The following PCDHA4 variants were observed in gnomAD, a reference collection of about 807,000 sequenced individuals.
PCDHA4 encodes the protein protocadherin alpha-4.
A neutral mutation model predicts 61.4 loss-of-function variants in PCDHA4; 49 were observed. The ratio of observed to expected loss-of-function variants is 0.80; its 90% CI spans 0.63 to 1.01. PCDHA4 has a LOEUF of 1.01. Among genes scored for constraint, PCDHA4 ranks in the 50% least tolerant of loss-of-function variants. The pLI is 0.00. For missense variants in PCDHA4, 1,254 were observed against 1,235.8 expected, an observed-to-expected ratio of 1.01 and a Z score of -0.22; for synonymous variants, 590 against 550.3, an observed-to-expected ratio of 1.07 and a Z score of -1.01.
intron 3 of PCDHA4, among the ~76,000 whole-genome samples, chr5:140,994,883 A>G (rs1197020328): frequency 2.6e-5 from 4 of 152,222 alleles, no homozygotes; most frequent in Non-Finnish European, 5.9e-5. Context: ...AAGAGATGTT[A>G]GGAAATGAGA....
At chr5:140,986,583 T>C (rs1265983211) in intron 3 of PCDHA4, among the ~76,000 whole-genome samples, 1 of 152,170 alleles carries the variant, frequency 6.6e-6, no homozygotes, top group African/African-American at 2.4e-5. Flanking sequence ...TTTTTCCAGC[T>C]CCTCTTTCTA....
chr5:140,825,394 A>AAT (rs2150139298), intron 1 of PCDHA4: 7,825 of 145,962 alleles, frequency 0.054, 680 homozygotes, highest in African/African-American at 0.19. Flanking sequence ...ATATATATCT[A>AAT]ATATATTATA....
At chr5:140,996,123 G>A (rs1554255007) in intron 3 of PCDHA4, among the ~76,000 whole-genome samples, 2 of 152,238 alleles carry the variant, frequency 1.3e-5, no homozygotes, top group African/African-American at 2.4e-5. Flanking sequence ...GCAGGGTGGT[G>A]TAGAGGGTTC....
chr5:140,992,017 C>CTGTGTGTG (rs10602499), intron 3 of PCDHA4, among the ~76,000 whole-genome samples: 149 of 145,626 alleles, frequency 1.0e-3, no homozygotes, highest in African/African-American at 2.4e-3. Flanking sequence ...AGAGGTGGCT[C>CTGTGTGTG]TGTGTGTGTG....
intron 1 of PCDHA4, chr5:140,856,830 T>C (rs1554149191): frequency 2.5e-6 from 4 of 1,592,726 alleles, no homozygotes; most frequent in Non-Finnish European, 3.4e-6. Context: ...ACATTAGTAA[T>C]ACGGCTCAAC....
At chr5:140,834,416 CCGA>C in intron 1 of PCDHA4, 1 of 1,611,158 alleles carries the variant, frequency 6.2e-7, no homozygotes. Context: ...ACCCAGGGGG[CCGA>C]CATCTACTGC....
intron 1 of PCDHA4, chr5:140,830,025 A>G (rs1770760911): frequency 6.2e-7 from 1 of 1,613,706 alleles, no homozygotes. Flanking sequence ...TCTCCGCGCC[A>G]CCGGCTGCTG....
chr5:140,964,079 G>A (rs1209152794), intron 1 of PCDHA4, among the ~76,000 whole-genome samples: 3 of 152,178 alleles, frequency 2.0e-5, no homozygotes, highest in African/African-American at 7.2e-5. Flanking sequence ...GTTAATATTT[G>A]TAGAAAGGGT....
At chr5:140,842,362 C>T (rs2150334597) in intron 1 of PCDHA4, 4 of 1,607,598 alleles carry the variant, frequency 2.5e-6, no homozygotes, top group Middle Eastern at 1.7e-4. Flanking sequence ...ATGATAACGT[C>T]CCTGAGATAG....
At chr5:140,975,935 C>A (rs1351802479) in intron 1 of PCDHA4, among the ~76,000 whole-genome samples, 1 of 152,060 alleles carries the variant, frequency 6.6e-6, no homozygotes, top group Non-Finnish European at 1.5e-5. Flanking sequence ...ACCTTTGAAG[C>A]AATAGGACAT....
At chr5:140,840,399 T>A (rs1321013469) in intron 1 of PCDHA4, among the ~76,000 whole-genome samples, 1 of 151,988 alleles carries the variant, frequency 6.6e-6, no homozygotes, top group African/African-American at 2.4e-5. Context: ...GATATGGAGT[T>A]AAGAATACTT....
chr5:140,855,643 A>G (rs1205505162), intron 1 of PCDHA4, among the ~76,000 whole-genome samples: 1 of 149,878 alleles, frequency 6.7e-6, no homozygotes, highest in East Asian at 1.9e-4. Flanking sequence ...ATTGATAATC[A>G]TGTGGTTAGG....
chr5:140,834,479 C>T (rs2150219285), intron 1 of PCDHA4: 1 of 1,614,178 alleles, frequency 6.2e-7, no homozygotes, highest in African/African-American at 1.3e-5. Context: ...GCCAGCTCCA[C>T]TACTCGGTCC....
chr5:140,966,644 G>A, intron 1 of PCDHA4: 1 of 1,127,128 alleles, frequency 8.9e-7, no homozygotes, highest in Non-Finnish European at 1.2e-6. Context: ...GCTTTCTAGA[G>A]CGTGAGCGGT....
At chr5:140,825,773 T>C (rs1395889214) in intron 1 of PCDHA4, 2 of 152,486 alleles carry the variant, frequency 1.3e-5, no homozygotes, top group African/African-American at 2.4e-5. Flanking sequence ...GTTGTGCAAA[T>C]TCTACTATAT....
At chr5:140,931,662 T>C (rs905670675) in intron 1 of PCDHA4, among the ~76,000 whole-genome samples, 2 of 152,028 alleles carry the variant, frequency 1.3e-5, no homozygotes, top group Non-Finnish European at 2.9e-5. Context: ...GTGGGCTGGA[T>C]ATTTCCTTAT....
intron 1 of PCDHA4, chr5:140,877,889 GT>G: frequency 6.9e-7 from 1 of 1,458,120 alleles, no homozygotes; most frequent in Non-Finnish European, 9.0e-7. Context: ...AAGAACTTCC[GT>G]TTAGGTTATA....
chr5:140,943,131 G>T (rs1360196674), intron 1 of PCDHA4, among the ~76,000 whole-genome samples: 1 of 151,626 alleles, frequency 6.6e-6, no homozygotes, highest in Non-Finnish European at 1.5e-5. Flanking sequence ...GGTAGTGGGT[G>T]CCTGTAGTCC....
At chr5:141,005,985 T>C (rs2098249971) in intron 3 of PCDHA4, among the ~76,000 whole-genome samples, 1 of 151,848 alleles carries the variant, frequency 6.6e-6, no homozygotes, top group Non-Finnish European at 1.5e-5. Context: ...AAAGAGTGTT[T>C]GAGGATCTGA....
Sources: allele counts gnomAD v4.1 joint callset (sites outside exome capture counted in the v4.1 genomes callset), GRCh38; gene constraint gnomAD v4.1.1; transcripts MANE v1.5; gene names NCBI Gene and HGNC (gene_info 2026-07-23, HGNC 2026-07-21).